Variants in VCAN observed in about 807,000 individuals in gnomAD.
VCAN encodes the protein versican core protein.
Under a neutral mutation model 245.5 loss-of-function variants are expected in VCAN, and 44 were observed. That is an observed-to-expected ratio of 0.18 (90% CI 0.14 to 0.23). The LOEUF is 0.23. Among genes scored for constraint, VCAN ranks in the 10% least tolerant of loss-of-function variants. VCAN has a pLI of 1.00. For synonymous variants in VCAN, 1,413 were observed against 1,437.0 expected (o/e 0.98, Z 0.38); for missense variants, 3,793 against 4,057.9 (o/e 0.93, Z 1.77).
rs192605774 is a variant in VCAN at position 83,520,883 on chromosome 5, T to C, written c.2577T>C (p.Asp859=). ...DGADEFTLIP[D]STQKQLEEVT... ...CAGATGAATTTACTCTTATTCCAGA[T>C]AGTACTCAAAAGCAGTTAGAGGAGG... The change falls in exon 7 of 15, where the codon GAT becomes GAC. Residue 859 remains aspartate (D), a synonymous_variant. Coordinates refer to ENST00000265077, the MANE Select transcript of VCAN (RefSeq NM_004385.5). The C allele has an allele frequency of 1.2e-5, 19 of 1,614,152 alleles. 1 individual carries two copies. The Admixed American group carries it at 2.0e-4, about 17-fold the overall frequency.
At chr5:83,475,185 A>G (rs936817530) in intron 1 of VCAN, among the ~76,000 whole-genome samples, 6 of 152,168 alleles carry the variant, frequency 3.9e-5, no homozygotes, top group South Asian at 4.1e-4. Context: ...CTGTGCCTCA[A>G]TGAGGAACCT....
chr5:83,568,664 A>G (rs1748173415), intron 12 of VCAN, among the ~76,000 whole-genome samples: 1 of 152,178 alleles, frequency 6.6e-6, no homozygotes, highest in Non-Finnish European at 1.5e-5. Flanking sequence ...ATTTGTTAAG[A>G]TTAGATTTAA....
chr5:83,493,698 T>A lies in VCAN; in HGVS notation c.598T>A (p.Trp200Arg). The A allele has an allele frequency of 6.2e-7, 1 of 1,614,160 alleles. No individual in the cohort carries two copies. The highest frequency in any genetic ancestry group is 8.5e-7 in the Non-Finnish European group (1 of 1,180,012). The stretch of plus-strand genomic sequence containing the variant: ...TGGATTTGAGCAGTGTGACGCAGGC[T>A]GGCTGGCTGATCAGACTGTCAGGTA... ...EDGFEQCDAG[W>R]LADQTVRYPI... Residue 200 changes from tryptophan (W) to arginine (R), a missense_variant, in exon 4 of 15, where the codon TGG (tryptophan) becomes AGG (arginine). Trp to Arg is a moderately radical substitution (Grantham distance 101). Transcript: ENST00000265077.
rs777049203 is a variant in VCAN at position 83,520,804 on chromosome 5, C to T, written c.2498C>T (p.Thr833Ile). 14 of 1,613,990 alleles carry T rather than the reference C, an allele frequency of 8.7e-6. No individual in the cohort carries two copies. The highest frequency in any genetic ancestry group is 1.2e-5 in the Non-Finnish European group (14 of 1,179,996). The change falls in exon 7 of 15, where the codon ACT becomes ATT. Residue 833 changes from threonine to isoleucine, a missense_variant. Physicochemically the swap from Thr to Ile is moderately conservative, Grantham distance 89. Around this residue, in one of 5 missense-constraint regions of VCAN, gnomAD observed 3,182 missense variants for 3,250.3 expected, o/e 0.98. Transcript: ENST00000265077. Reference protein sequence around the residue: ...SSKLPPALLTTVGMNGKDKDI... With the variant: ...SSKLPPALLTIVGMNGKDKDI... ...AAATTGCCCCCTGCCTTACTCACAA[C>T]TGTGGGGATGAATGGAAAGGATAAA...
At chr5:83,487,039 T>G (rs1351664282) in intron 2 of VCAN, among the ~76,000 whole-genome samples, 1 of 152,222 alleles carries the variant, frequency 6.6e-6, no homozygotes, top group African/African-American at 2.4e-5. Context: ...CAAGAAGAAC[T>G]ATTTCCTTTA....
intron 5 of VCAN, among the ~76,000 whole-genome samples, chr5:83,511,579 T>G (rs531353763): frequency 6.6e-6 from 1 of 152,036 alleles, no homozygotes; most frequent in African/African-American, 2.4e-5. Flanking sequence ...TATTTTTTTT[T>G]TTTTTTATTT....
At chr5:83,511,479 G>A (rs1172613667) in intron 5 of VCAN, among the ~76,000 whole-genome samples, 1 of 152,054 alleles carries the variant, frequency 6.6e-6, no homozygotes, top group African/African-American at 2.4e-5. Flanking sequence ...TAACCATCAT[G>A]GCAGCCCTGT....
At chr5:83,567,099 C>A (rs894125710) in intron 12 of VCAN, among the ~76,000 whole-genome samples, 1 of 151,984 alleles carries the variant, frequency 6.6e-6, no homozygotes, top group Non-Finnish European at 1.5e-5. Context: ...CCAGCTTAAT[C>A]GAAATGGTAG....
chr5:83,506,849 C>G (rs1745496767), intron 5 of VCAN, among the ~76,000 whole-genome samples: 2 of 152,150 alleles, frequency 1.3e-5, no homozygotes, highest in Non-Finnish European at 2.9e-5. Flanking sequence ...TCTTACATGG[C>G]AGCGGCAAGA....
chr5:83,498,368 T>A (rs746332320), intron 5 of VCAN, among the ~76,000 whole-genome samples: 18 of 152,210 alleles, frequency 1.2e-4, no homozygotes, highest in Non-Finnish European at 2.1e-4. Flanking sequence ...ATGCCCAATA[T>A]GTCCTTAGCA....
At chr5:83,543,544 A>C (rs1426850839) in intron 8 of VCAN, among the ~76,000 whole-genome samples, 2 of 152,234 alleles carry the variant, frequency 1.3e-5, no homozygotes, top group African/African-American at 4.8e-5. Context: ...AAATATTTTG[A>C]GGAAAATTGA....
Position 83,554,620 on chromosome 5 carries a change from C to CA in VCAN, c.9653-334dup, listed in dbSNP as rs1299243221. Reference sequence around the variant, plus strand: ...CAATGGCATCGCTTAAAAACAACAACAACAAAAAAATAGAAAATTTCTATC... The same window carrying CA: ...CAATGGCATCGCTTAAAAACAACAACAAACAAAAAAATAGAAAATTTCTATC... On this transcript the variant is annotated intron_variant, in intron 11 of 14. Coordinates refer to ENST00000265077, the MANE Select transcript of VCAN (RefSeq NM_004385.5). Among the ~76,000 whole-genome samples, 69 of 149,842 alleles carry CA rather than the reference C, an allele frequency of 4.6e-4. 2 individuals are homozygous for CA. The highest frequency in any genetic ancestry group is 9.3e-4 in the Admixed American group (14 of 15,004).
chr5:83,492,406 A>C (rs1364599022), intron 3 of VCAN, among the ~76,000 whole-genome samples: 1 of 152,196 alleles, frequency 6.6e-6, no homozygotes, highest in Non-Finnish European at 1.5e-5. Context: ...ACTCTTAATA[A>C]AATCTCATTC....
At chr5:83,493,755 A>G in intron 4 of VCAN, 35 bp downstream of exon 4, 1 of 1,614,128 alleles carries the variant, frequency 6.2e-7, no homozygotes, top group Non-Finnish European at 8.5e-7. Flanking sequence ...TTCATTATTA[A>G]CTTGAGAGTG....
At chr5:83,493,175 G>T (rs960041364) in intron 3 of VCAN, among the ~76,000 whole-genome samples, 2 of 152,186 alleles carry the variant, frequency 1.3e-5, no homozygotes, top group African/African-American at 4.8e-5. Flanking sequence ...TGATCTTGTG[G>T]TCCCCTTAGG....
intron 7 of VCAN, among the ~76,000 whole-genome samples, chr5:83,525,394 T>A (rs1470055785): frequency 6.6e-6 from 1 of 152,060 alleles, no homozygotes; most frequent in African/African-American, 2.4e-5. Flanking sequence ...TTTCTTCAAC[T>A]CCAGATTTTT....
chr5:83,561,004 A>C (rs1330635702), intron 12 of VCAN, among the ~76,000 whole-genome samples: 2 of 152,120 alleles, frequency 1.3e-5, no homozygotes, highest in Admixed American at 6.6e-5. Context: ...TTTTTAAAAT[A>C]TTGGGGAGTT....
intron 5 of VCAN, among the ~76,000 whole-genome samples, chr5:83,507,642 C>T (rs986209599): frequency 2.6e-5 from 4 of 152,216 alleles, no homozygotes; most frequent in Non-Finnish European, 4.4e-5. Flanking sequence ...CCTGATTTGG[C>T]TTTGCCTCTA....
chr5:83,555,045 T>A lies in VCAN; in HGVS notation c.9735+7T>A. On this transcript the variant is annotated splice_region_variant and intron_variant, in intron 12 of 14. Coordinates refer to ENST00000265077, the MANE Select transcript of VCAN (RefSeq NM_004385.5). ...GACTGATGGCAGCACACTGGTAAGA[T>A]GCCCTTGAAAATGATGTCAAGTTCT... 6.2e-7 allele frequency: 1 copy of A among 1,613,384 alleles called. No homozygotes were observed. The highest frequency in any genetic ancestry group is 8.5e-7 in the Non-Finnish European group (1 of 1,179,442).
Sources: allele counts gnomAD v4.1 joint callset (sites outside exome capture counted in the v4.1 genomes callset), GRCh38; gene constraint gnomAD v4.1.1; regional missense constraint gnomAD v4.1.1; transcripts MANE v1.5; gene names NCBI Gene and HGNC (gene_info 2026-07-23, HGNC 2026-07-21).